Variants in CACNA1C observed in about 807,000 individuals in gnomAD.
CACNA1C encodes the protein voltage-dependent L-type calcium channel subunit alpha-1C.
Under a neutral mutation model 229.0 loss-of-function variants are expected in CACNA1C, and 30 were observed. That is an observed-to-expected ratio of 0.13 (90% CI 0.10 to 0.18). The LOEUF is 0.18. CACNA1C is among the 10% of genes least tolerant of loss of function. The pLI is 1.00. For missense variants in CACNA1C, 1,658 were observed against 2,845.0 expected (o/e 0.58, Z 9.49); for synonymous variants, 1,114 against 1,132.5 (o/e 0.98, Z 0.33).
rs147272053 is a variant in CACNA1C at position 2,054,492 on chromosome 12, C to T, written c.49+881C>T. ...TTTTCCGAGCATCTCCATCCTTGGC[C>T]GCGAGTGTCACCAGCTCCCCCTGTG... On this transcript the variant is annotated intron_variant, in intron 1 of 46. Coordinates refer to ENST00000399655, the MANE Select transcript of CACNA1C (RefSeq NM_000719.7). The surrounding 1 kb of genome is among the most constrained non-coding windows in gnomAD (Gnocchi z 5.5). Among the ~76,000 whole-genome samples the T allele has an allele frequency of 1.3e-5, 2 of 152,298 alleles. No homozygotes were observed. Among genetic ancestry groups the T allele is most frequent in the East Asian group, 1.9e-4 (1 of 5,170 alleles).
At chr12:2,568,946 A>G (rs146705521) in intron 13 of CACNA1C, among the ~76,000 whole-genome samples, 84 of 152,362 alleles carry the variant, frequency 5.5e-4, no homozygotes, top group African/African-American at 1.8e-3. Flanking sequence ...GAAATCTTCC[A>G]GAAGTCTCAG....
intron 9 of CACNA1C, among the ~76,000 whole-genome samples, chr12:2,522,944 C>T (rs2099812732): frequency 6.6e-6 from 1 of 152,110 alleles, no homozygotes. Flanking sequence ...GGCCGTTGCT[C>T]CCTCCGTACC....
chr12:2,076,127 C>T (rs1387068078), intron 1 of CACNA1C, among the ~76,000 whole-genome samples: 1 of 152,170 alleles, frequency 6.6e-6, no homozygotes, highest in Non-Finnish European at 1.5e-5. Flanking sequence ...CAAGACTCGC[C>T]TGGATCTGCC....
At chr12:2,289,848 T>C (rs2093273823) in intron 3 of CACNA1C, among the ~76,000 whole-genome samples, 1 of 152,236 alleles carries the variant, frequency 6.6e-6, no homozygotes. Flanking sequence ...TAGCTCAAGT[T>C]ACCCTTCTGA....
intron 3 of CACNA1C, among the ~76,000 whole-genome samples, chr12:2,291,260 A>G (rs1241994733): frequency 6.6e-6 from 1 of 152,248 alleles, no homozygotes; most frequent in Non-Finnish European, 1.5e-5. Context: ...CAGTCTTTTA[A>G]TGACGGGGAC....
intron 3 of CACNA1C, among the ~76,000 whole-genome samples, chr12:2,426,805 C>G (rs1400262964): frequency 6.6e-6 from 1 of 152,190 alleles, no homozygotes; most frequent in Non-Finnish European, 1.5e-5. Flanking sequence ...CTGGGATGTC[C>G]TCTTTCCACA....
chr12:2,318,346 G>A (rs1314325881), intron 3 of CACNA1C, among the ~76,000 whole-genome samples: 1 of 152,196 alleles, frequency 6.6e-6, no homozygotes, highest in Non-Finnish European at 1.5e-5. Context: ...CTGAAACAAT[G>A]ATTTTAAGCA....
chr12:2,434,881 T>G (rs2099119243), intron 3 of CACNA1C, among the ~76,000 whole-genome samples: 1 of 152,182 alleles, frequency 6.6e-6, no homozygotes, highest in Non-Finnish European at 1.5e-5. Flanking sequence ...TCTCCCCACT[T>G]CAGTCTAGTT....
intron 3 of CACNA1C, among the ~76,000 whole-genome samples, chr12:2,138,727 G>A (rs2093816277): frequency 6.6e-6 from 1 of 151,052 alleles, no homozygotes; most frequent in Admixed American, 6.7e-5. Context: ...GCAGCCTGAG[G>A]CCCTCACCAG....
intron 1 of CACNA1C, among the ~76,000 whole-genome samples, chr12:2,104,005 T>C (rs1483165624): frequency 2.0e-5 from 3 of 152,204 alleles, no homozygotes; most frequent in Non-Finnish European, 4.4e-5. Context: ...TGAAGTCAGG[T>C]AGCGTGATGC....
At chr12:2,243,778 A>G (rs940076796) in intron 3 of CACNA1C, among the ~76,000 whole-genome samples, 3 of 152,190 alleles carry the variant, frequency 2.0e-5, no homozygotes, top group African/African-American at 4.8e-5. Flanking sequence ...GGCACTGTTT[A>G]TCTGGTTTTG....
chr12:2,499,691 C>A (rs1436191226), intron 7 of CACNA1C, among the ~76,000 whole-genome samples: 3 of 152,146 alleles, frequency 2.0e-5, no homozygotes, highest in Non-Finnish European at 4.4e-5. Flanking sequence ...AGGCTACAGA[C>A]AATGAGCTGA....
At chr12:2,003,208 C>G (rs1396490152) in intron 1 of CACNA1C, among the ~76,000 whole-genome samples, 1 of 152,010 alleles carries the variant, frequency 6.6e-6, no homozygotes, top group Non-Finnish European at 1.5e-5. Flanking sequence ...GGCTGCTGAA[C>G]TATACTGCAG....
At chr12:2,513,043 G>C in intron 9 of CACNA1C, 59 bp downstream of exon 9, 1 of 1,445,064 alleles carries the variant, frequency 6.9e-7, no homozygotes, top group South Asian at 1.3e-5. Flanking sequence ...AGACAGCATC[G>C]GGGTCAGCAC....
intron 3 of CACNA1C, among the ~76,000 whole-genome samples, chr12:2,220,363 C>T (rs1293657969): frequency 1.3e-5 from 2 of 152,168 alleles, no homozygotes; most frequent in African/African-American, 4.8e-5. Flanking sequence ...TGCTGGCTCC[C>T]TGGTAAGGCT....
intron 3 of CACNA1C, among the ~76,000 whole-genome samples, chr12:2,422,122 G>T (rs2098985452): frequency 6.6e-6 from 1 of 152,128 alleles, no homozygotes; most frequent in African/African-American, 2.4e-5. Flanking sequence ...GGCCCATTCA[G>T]TTTCCAAAAA....
At chr12:2,423,667 G>A (rs1393737070) in intron 3 of CACNA1C, among the ~76,000 whole-genome samples, 3 of 152,132 alleles carry the variant, frequency 2.0e-5, no homozygotes, top group Admixed American at 6.5e-5. Flanking sequence ...GCATAACTGG[G>A]ACTCTTCTCA....
intron 1 of CACNA1C, among the ~76,000 whole-genome samples, chr12:2,031,788 T>C (rs1321391694): frequency 1.3e-5 from 2 of 152,232 alleles, no homozygotes; most frequent in East Asian, 3.8e-4. Context: ...TGGCTTTCTT[T>C]GGCTTTCTCC....
intron 3 of CACNA1C, among the ~76,000 whole-genome samples, chr12:2,418,857 C>T (rs943969132): frequency 3.3e-5 from 5 of 152,170 alleles, no homozygotes; most frequent in Admixed American, 1.3e-4. Flanking sequence ...CCCCCAGCTC[C>T]ACTGCTTGTA....
Sources: gnomAD v4.1 joint callset for allele counts (sites outside exome capture counted in the v4.1 genomes callset) on GRCh38, gnomAD v4.1.1 for gene constraint, Gnocchi (gnomAD v3.1) non-coding constraint, MANE v1.5 for transcripts, NCBI Gene and HGNC (gene_info 2026-07-23, HGNC 2026-07-21) for gene names.